The following AMN1 variants were observed in gnomAD, a reference collection of about 807,000 sequenced individuals.
AMN1 encodes the protein antagonist of mitotic exit network 1 homolog.
Under a neutral mutation model 33.0 loss-of-function variants are expected in AMN1, and 20 were observed. The observed-to-expected ratio is 0.61, with a 90% CI of 0.43 to 0.88. AMN1 has a LOEUF of 0.88. Among genes scored for constraint, AMN1 ranks in the 40% least tolerant of loss-of-function variants. The pLI, the probability that AMN1 is intolerant of heterozygous loss-of-function variation, is 0.00. For synonymous variants in AMN1, 114 were observed against 111.9 expected (o/e 1.02, Z -0.12); for missense variants, 246 against 307.4 (o/e 0.80, Z 1.49).
At chr12:31,690,996 G>C (rs981412601) in intron 5 of AMN1, among the ~76,000 whole-genome samples, 3 of 151,816 alleles carry the variant, frequency 2.0e-5, no homozygotes, top group African/African-American at 7.3e-5. Flanking sequence ...AAATTAGCTG[G>C]GCATGGTGGA....
chr12:31,690,621 T>C (rs1450098914), intron 5 of AMN1, among the ~76,000 whole-genome samples: 1 of 152,150 alleles, frequency 6.6e-6, no homozygotes, highest in Non-Finnish European at 1.5e-5. Flanking sequence ...TTTTTCTTGC[T>C]AATTTGTTTG....
intron 2 of AMN1, among the ~76,000 whole-genome samples, chr12:31,702,600 T>G (rs965261533): frequency 2.6e-5 from 4 of 152,156 alleles, no homozygotes; most frequent in African/African-American, 9.6e-5. Context: ...GCTTTACCTT[T>G]CTGAAAATAA....
chr12:31,716,663 T>C (rs553711313), intron 1 of AMN1, among the ~76,000 whole-genome samples: 1 of 152,330 alleles, frequency 6.6e-6, no homozygotes, highest in Non-Finnish European at 1.5e-5. Context: ...TACTCAAGTA[T>C]TTTGCCCTCT....
chr12:31,727,495 A>G lies in AMN1; in HGVS notation c.38+1476T>C, dbSNP rs1336053906. The stretch of plus-strand genomic sequence containing the variant: ...GCTATTCATATTGTATCTTCCATTC[A>G]CATTGGAGCGCTACTTTCTGGTCTT... On this transcript the variant is annotated intron_variant, in intron 1 of 6. Transcript: ENST00000281471. 2.0e-5 allele frequency among the ~76,000 whole-genome samples: 3 copies of G among 152,034 alleles called. No individual in the cohort carries two copies. In the East Asian group the frequency reaches 5.8e-4, roughly 29 times the overall value.
At chr12:31,720,935 A>G (rs756023464) in intron 1 of AMN1, among the ~76,000 whole-genome samples, 1 of 152,244 alleles carries the variant, frequency 6.6e-6, no homozygotes, top group Non-Finnish European at 1.5e-5. Flanking sequence ...CTTAGAAGTC[A>G]AATTGTAGCA....
rs1565774117 is a variant in AMN1, at chr12:31,701,970, C to G, written c.209G>C (p.Ser70Thr). Residue 70 changes from serine to threonine, a missense_variant, in exon 3 of 7, where the codon AGC becomes ACC. Transcript: ENST00000281471. ...GAGAGCAGCATCTGATATATCGCAG[C>G]TCCGTAGATCTAGAGTTTGGACTTC... is the stretch of plus-strand genomic sequence containing the variant. Reference protein sequence around the residue: ...HPEVQTLDLRSCDISDAALLH... With the variant: ...HPEVQTLDLRTCDISDAALLH... 1.9e-6 allele frequency: 3 copies of G among 1,607,314 alleles called. No homozygotes were observed. Among genetic ancestry groups the G allele is most frequent in the Non-Finnish European group, 2.5e-6 (3 of 1,178,128 alleles).
rs140492492 is a variant in AMN1, at chr12:31,725,553, G to A, written c.38+3418C>T. ...AACATGGACTGCTTCTAATGTAAGTGTTACATAAAATTTTGTCCTTGACTT... is the reference window on the plus strand; with the variant it reads ...AACATGGACTGCTTCTAATGTAAGTATTACATAAAATTTTGTCCTTGACTT... On this transcript the variant is annotated intron_variant, in intron 1 of 6. Transcript: ENST00000281471. Among the ~76,000 whole-genome samples, 1,397 of 152,266 alleles carry A rather than the reference G, an allele frequency of 9.2e-3. 7 individuals carry two copies. Among genetic ancestry groups the A allele is most frequent in the Non-Finnish European group, 0.014 (976 of 68,014 alleles).
At chr12:31,685,811 G>A (rs4994282) in intron 6 of AMN1, among the ~76,000 whole-genome samples, 42 of 20,516 alleles carry the variant, frequency 2.0e-3, no homozygotes, top group Middle Eastern at 0.038. Flanking sequence ...AAAAAAAAAA[G>A]AAAGAAAGAA....
At chr12:31,704,517 C>T (rs1416884834) in intron 2 of AMN1, among the ~76,000 whole-genome samples, 1 of 150,008 alleles carries the variant, frequency 6.7e-6, no homozygotes, top group African/African-American at 2.4e-5. Context: ...TTCTTCTTGC[C>T]ATAAGGAAGT....
At chr12:31,690,009 GTTTGCC>G (rs1938433918) in intron 5 of AMN1, among the ~76,000 whole-genome samples, 1 of 152,140 alleles carries the variant, frequency 6.6e-6, no homozygotes, top group African/African-American at 2.4e-5. Flanking sequence ...AACGTATGAT[GTTTGCC>G]TTTCCATTCC....
chr12:31,707,155 G>A (rs1249519653), intron 2 of AMN1, among the ~76,000 whole-genome samples: 2 of 152,068 alleles, frequency 1.3e-5, no homozygotes, highest in Non-Finnish European at 2.9e-5. Flanking sequence ...AGCAGACTGT[G>A]ATCAATATTT....
At chr12:31,718,296 TC>T (rs1280681653) in intron 1 of AMN1, among the ~76,000 whole-genome samples, 4 of 152,060 alleles carry the variant, frequency 2.6e-5, no homozygotes, top group African/African-American at 7.2e-5. Context: ...AACTGGTTAT[TC>T]TAGTTAGCAG....
chr12:31,716,929 TCTC>T (rs1215120449), intron 1 of AMN1, among the ~76,000 whole-genome samples: 6 of 152,220 alleles, frequency 3.9e-5, no homozygotes, highest in South Asian at 2.1e-4. Flanking sequence ...ATGAAGATAT[TCTC>T]CTATGTTTTC....
chr12:31,709,326 C>T lies in AMN1; in HGVS notation c.138G>A (p.Met46Ile). ...TATTTGAATCTGTTATCTGTCCCTG[C>T]ATACTCATTATTTTAATCAGTCTGT... ...IKDRLIKIMS[M>I]QGQITDSNIS... is the part of the protein sequence containing the mutation. Residue 46 changes from methionine to isoleucine, a missense_variant, in exon 2 of 7, where the codon ATG becomes ATA. By Grantham distance (10) the Met-to-Ile change is conservative (BLOSUM62 1). Transcript: ENST00000281471. The T allele has an allele frequency of 6.2e-7, 1 of 1,613,796 alleles. No individual in the cohort carries two copies. The highest frequency in any genetic ancestry group is 8.5e-7 in the Non-Finnish European group (1 of 1,179,788).
At chr12:31,675,411 C>A (rs1158458465) in intron 6 of AMN1, among the ~76,000 whole-genome samples, 1 of 151,700 alleles carries the variant, frequency 6.6e-6, no homozygotes, top group African/African-American at 2.4e-5. Context: ...CAGAGCAAGA[C>A]CCTGTCTCAA....
At chr12:31,708,274 G>C (rs886669444) in intron 2 of AMN1, among the ~76,000 whole-genome samples, 1 of 152,084 alleles carries the variant, frequency 6.6e-6, no homozygotes, top group Non-Finnish European at 1.5e-5. Context: ...TTGCATTCCT[G>C]GGGGGAGGTC....
intron 1 of AMN1, among the ~76,000 whole-genome samples, chr12:31,709,899 G>T (rs1009611539): frequency 6.6e-6 from 1 of 152,088 alleles, no homozygotes; most frequent in Non-Finnish European, 1.5e-5. Flanking sequence ...CAAAAACCTA[G>T]TCTGTGTTAA....
intron 6 of AMN1, among the ~76,000 whole-genome samples, chr12:31,677,061 GGACGAGA>G (rs1937748935): frequency 6.6e-6 from 1 of 151,670 alleles, no homozygotes; most frequent in Non-Finnish European, 1.5e-5. Context: ...CACTTTGGGA[GGACGAGA>G]CGGGCGGATC....
intron 2 of AMN1, among the ~76,000 whole-genome samples, chr12:31,704,296 T>C (rs1939127790): frequency 6.6e-6 from 1 of 152,196 alleles, no homozygotes; most frequent in Non-Finnish European, 1.5e-5. Context: ...CTTTGATGAC[T>C]AGTAAGGTTA....
Sources: gnomAD v4.1 joint callset for allele counts (sites outside exome capture counted in the v4.1 genomes callset) on GRCh38, gnomAD v4.1.1 for gene constraint, MANE v1.5 for transcripts, NCBI Gene and HGNC (gene_info 2026-07-23, HGNC 2026-07-21) for gene names.